PPP4R1: variants seen among roughly 807,000 people sequenced by gnomAD.
The protein encoded by PPP4R1 is protein phosphatase 4 regulatory subunit 1.
Under a neutral mutation model 111.2 loss-of-function variants are expected in PPP4R1, and 42 were observed. The observed-to-expected ratio is 0.38, with a 90% confidence interval of 0.29 to 0.49. PPP4R1 has a LOEUF of 0.49. Among genes scored for constraint, PPP4R1 ranks in the 20% least tolerant of loss-of-function variants. PPP4R1 has a pLI of 0.97. For synonymous variants in PPP4R1, 409 were observed against 405.5 expected, an observed-to-expected ratio of 1.01 and a Z score of -0.10; for missense variants, 1,012 against 1,161.6, an observed-to-expected ratio of 0.87 and a Z score of 1.87.
At chr18:9,561,218 CTAATAATAATAA>C (rs111924050) in intron 13 of PPP4R1, among the ~76,000 whole-genome samples, 4,890 of 139,092 alleles carry the variant, frequency 0.035, 297 homozygotes, top group African/African-American at 0.12. Flanking sequence ...GACTCCATCT[CTAATAATAATAA>C]TAATAATAAT....
At chr18:9,608,999 G>C (rs773685081) in intron 2 of PPP4R1, among the ~76,000 whole-genome samples, 7 of 152,148 alleles carry the variant, frequency 4.6e-5, no homozygotes, top group Non-Finnish European at 1.0e-4. Flanking sequence ...GGGGAGGGCA[G>C]TGGATCGTGT....
Position 9,595,141 on chromosome 18 carries a change from T to C in PPP4R1, c.65A>G (p.Asp22Gly). ...QEDADGFGVD[D>G]YSSESDVIII... ...AATCACATCAGACTCTGAGCTGTAG[T>C]CATCCACACCAACTATCAGAGACAT... Residue 22 changes from aspartate to glycine, a missense_variant, in exon 3 of 20, where the codon GAC becomes GGC. Physicochemically the swap from Asp to Gly is moderately conservative, Grantham distance 94. Transcript: ENST00000400556. 1.2e-6 allele frequency: 2 copies of C among 1,613,776 alleles called. No individual in the cohort carries two copies. The highest frequency in any genetic ancestry group is 3.3e-4 in the Middle Eastern group (2 of 6,062).
intron 11 of PPP4R1, among the ~76,000 whole-genome samples, chr18:9,565,484 C>T (rs1316887748): frequency 1.3e-5 from 2 of 152,164 alleles, no homozygotes; most frequent in Non-Finnish European, 2.9e-5. Flanking sequence ...CAAGAAAGCC[C>T]AAAAGCTAGG....
intron 9 of PPP4R1, among the ~76,000 whole-genome samples, chr18:9,578,996 T>C (rs891931473): frequency 1.3e-5 from 2 of 152,302 alleles, no homozygotes; most frequent in Non-Finnish European, 1.5e-5. Flanking sequence ...AAAAGTTTAA[T>C]GTGGAGGAGA....
chr18:9,547,433 C>A lies in PPP4R1; in HGVS notation c.*356G>T. ...TTCATTTGTCGATTGTTAAATAAAA[C>A]CAGGAGAAAGCAATGCAGGTCTCTG... On this transcript the variant is annotated 3_prime_UTR_variant, in exon 20 of 20. Coordinates refer to ENST00000400556, the MANE Select transcript of PPP4R1 (RefSeq NM_001042388.3). 5.4e-6 allele frequency: 1 copy of A among 184,288 alleles called. No homozygotes were observed. Among genetic ancestry groups the A allele is most frequent in the South Asian group, 1.4e-4 (1 of 7,238 alleles). The allele number at this position is 184,288 out of a possible 1,614,324, so 11.4% of individuals were successfully genotyped here.
At chr18:9,589,269 T>C (rs1337889349) in intron 4 of PPP4R1, among the ~76,000 whole-genome samples, 5 of 152,196 alleles carry the variant, frequency 3.3e-5, no homozygotes, top group Non-Finnish European at 5.9e-5. Context: ...GTTCCTAATC[T>C]CAACTTAGTC....
Position 9,588,806 on chromosome 18 carries a change from G to A in PPP4R1, c.343C>T (p.Leu115=), listed in dbSNP as rs1452698236. 12 of 1,613,992 alleles carry A rather than the reference G, an allele frequency of 7.4e-6. No individual in the cohort carries two copies. Among genetic ancestry groups the A allele is most frequent in the Non-Finnish European group, 1.0e-5 (12 of 1,180,010 alleles). The stretch of plus-strand genomic sequence containing the variant: ...GAAGGCCGGTTTTCTTGACAAAACA[G>A]TGCGATGTGAGGCACCTGTTCCATC... ...ELMEQVPHIA[L]FCQENRPSIP... is the part of the protein sequence containing the mutation. Residue 115 remains leucine (L), a synonymous_variant, in exon 5 of 20, where the codon CTG becomes TTG. Transcript: ENST00000400556.
chr18:9,595,209 T>C, intron 2 of PPP4R1, 56 bp from the exon 3 acceptor site: 3 of 1,561,252 alleles, frequency 1.9e-6, no homozygotes, highest in Non-Finnish European at 2.6e-6. Flanking sequence ...AATGTACCCC[T>C]TGCCTGTCTG....
rs908284664 is a variant in PPP4R1, at chr18:9,614,326, G to T, written c.8-56C>A. On this transcript the variant is annotated intron_variant, in intron 1 of 19. Transcript: ENST00000400556. This position sits in a 1 kb window ranked among gnomAD's most constrained non-coding sequence, Gnocchi z 4.1. Reference sequence around the variant, plus strand: ...TCAGCGCCCCGGGGCCCGGCGCGACGCCCCCCCCCCGCCCGCCTCCCCCCC... The same window carrying T: ...TCAGCGCCCCGGGGCCCGGCGCGACTCCCCCCCCCCGCCCGCCTCCCCCCC... 2 of 949,902 alleles carry T rather than the reference G, an allele frequency of 2.1e-6. No individual in the cohort carries two copies. Among genetic ancestry groups the T allele is most frequent in the Non-Finnish European group, 2.6e-6 (2 of 777,410 alleles). The allele number at this position is 949,902 out of a possible 1,614,324, so 58.8% of individuals were successfully genotyped here. A position where few individuals can be genotyped will look rare whatever the true frequency, so the allele number is the denominator to read the frequency against.
intron 15 of PPP4R1, among the ~76,000 whole-genome samples, chr18:9,555,616 C>T (rs1006607150): frequency 2.0e-5 from 3 of 152,100 alleles, no homozygotes; most frequent in African/African-American, 7.2e-5. Context: ...ACATGACAAC[C>T]TACACAGGTT....
intron 15 of PPP4R1, among the ~76,000 whole-genome samples, chr18:9,555,930 A>G (rs1404186799): frequency 6.6e-6 from 1 of 151,830 alleles, no homozygotes; most frequent in African/African-American, 2.4e-5. Context: ...AGATCAGGAG[A>G]TCAAGACCAT....
intron 16 of PPP4R1, among the ~76,000 whole-genome samples, chr18:9,552,893 C>T (rs923758891): frequency 6.6e-6 from 1 of 152,052 alleles, no homozygotes; most frequent in Non-Finnish European, 1.5e-5. Flanking sequence ...ATGAAGAAAC[C>T]AAGCACAAAA....
chr18:9,569,592 T>A (rs1436987777), intron 11 of PPP4R1, among the ~76,000 whole-genome samples: 1 of 152,218 alleles, frequency 6.6e-6, no homozygotes, highest in Non-Finnish European at 1.5e-5. Context: ...CAAATCTGTA[T>A]AAATTACAGT....
In PPP4R1 at chr18:9,584,800, C is replaced by T. The variant is rs745847912; in HGVS notation, c.614G>A (p.Gly205Glu). Residue 205 changes from glycine (G) to glutamate (E), a missense_variant, in exon 7 of 20, where the codon GGG becomes GAG. This residue lies in a region of PPP4R1 where 707 missense variants were observed against 742.1 expected (regional missense o/e 0.95). Transcript: ENST00000400556. ...GATAAGACGCTCTGTAATATCCTTC[C>T]CAACCATGGGAGCCATTTTGCACAT... Reference protein sequence around the residue: ...AIMCKMAPMVGKDITERLILP... With the variant: ...AIMCKMAPMVEKDITERLILP... 2.5e-6 allele frequency: 4 copies of T among 1,612,720 alleles called. No homozygotes were observed. Among genetic ancestry groups the T allele is most frequent in the Admixed American group, 1.7e-5 (1 of 59,934 alleles).
At chr18:9,574,631 C>T (rs1335485747) in intron 10 of PPP4R1, among the ~76,000 whole-genome samples, 5 of 152,128 alleles carry the variant, frequency 3.3e-5, no homozygotes, top group African/African-American at 4.8e-5. Context: ...CCAGGCCCAG[C>T]GGAGACAAAG....
chr18:9,556,950 A>C, intron 15 of PPP4R1: 1 of 263,520 alleles, frequency 3.8e-6, no homozygotes, highest in South Asian at 5.3e-5. Context: ...GGATGACTGC[A>C]GCTAATGATT....
chr18:9,580,552 G>A (rs970939707), intron 9 of PPP4R1, among the ~76,000 whole-genome samples: 20 of 152,042 alleles, frequency 1.3e-4, no homozygotes, highest in East Asian at 1.2e-3. Flanking sequence ...GGGTTTCACC[G>A]TGTTAGCCAG....
In PPP4R1 at chr18:9,559,531, G is replaced by C; in HGVS notation, c.1916C>G (p.Thr639Ser). The change falls in exon 14 of 20, where the codon ACT becomes AGT. Residue 639 changes from threonine (T) to serine (S), a missense_variant. This residue lies in a region of PPP4R1 where 305 missense variants were observed against 419.5 expected (regional missense o/e 0.73). Transcript: ENST00000400556. ...ATATGCACAGTGCTTAGCAATTTCA[G>C]TGTCAACCGTCTGTGCACGAGAAGG... is the stretch of plus-strand genomic sequence containing the variant. ...TDPSRAQTVDTEIAKHCAYSL... is the reference protein window; with the variant it reads ...TDPSRAQTVDSEIAKHCAYSL... 6.2e-7 allele frequency: 1 copy of C among 1,613,684 alleles called. No homozygotes were observed. Among genetic ancestry groups the C allele is most frequent in the South Asian group, 1.1e-5 (1 of 91,008 alleles).
At chr18:9,558,250 A>G (rs59458565) in intron 14 of PPP4R1, among the ~76,000 whole-genome samples, 2,461 of 152,300 alleles carry the variant, frequency 0.016, 74 homozygotes, top group African/African-American at 0.057. Context: ...AAGACAGATG[A>G]AGGCAGAGAT....
Sources: gnomAD v4.1 joint callset for allele counts (sites outside exome capture counted in the v4.1 genomes callset) on GRCh38, gnomAD v4.1.1 for gene constraint, gnomAD v4.1.1 regional missense constraint, Gnocchi (gnomAD v3.1) non-coding constraint, MANE v1.5 for transcripts, NCBI Gene and HGNC (gene_info 2026-07-23, HGNC 2026-07-21) for gene names.